The following PCNX1 variants were observed in gnomAD, a reference collection of about 807,000 sequenced individuals.
PCNX1 encodes the protein pecanex 1, also known as pecanex-like protein 1.
PCNX1 carries 78 observed loss-of-function variants against 242.2 expected under a neutral mutation model. The ratio of observed to expected loss-of-function variants is 0.32; its 90% CI spans 0.27 to 0.39. PCNX1 has a LOEUF of 0.39. Among genes scored for constraint, PCNX1 ranks in the 10% least tolerant of loss-of-function variants. The pLI is 1.00. For synonymous variants in PCNX1, 1,024 were observed against 1,032.9 expected, an observed-to-expected ratio of 0.99 and a Z score of 0.17; for missense variants, 2,581 against 2,856.5, an observed-to-expected ratio of 0.90 and a Z score of 2.20.
Position 71,103,668 on chromosome 14 carries a change from A to G in PCNX1, c.6094A>G (p.Arg2032Gly). ...IRNFIVSTWH[R>G]LRKGCGAGCN... is the part of the protein sequence containing the mutation. The stretch of plus-strand genomic sequence containing the variant: ...GAACTTCATAGTGTCAACCTGGCAC[A>G]GGTGAGCCAAGGGATTGTATTATTC... Residue 2032 changes from arginine to glycine, a missense_variant and splice_region_variant, in exon 32 of 36, where the codon AGG becomes GGG. Transcript: ENST00000304743. 6.2e-7 allele frequency: 1 copy of G among 1,613,780 alleles called. No homozygotes were observed. The highest frequency in any genetic ancestry group is 1.3e-5 in the African/African-American group (1 of 75,058).
At chr14:70,910,212 C>A (rs1247325294) in intron 1 of PCNX1, among the ~76,000 whole-genome samples, 1 of 63,258 alleles carries the variant, frequency 1.6e-5, no homozygotes, top group Middle Eastern at 6.6e-3. Flanking sequence ...TCCTCGTCCT[C>A]CTCCTCCTCC....
rs559998491 is a variant in PCNX1, at chr14:71,075,106, C to T, written c.5107-1083C>T. On this transcript the variant is annotated intron_variant, in intron 27 of 35. Transcript: ENST00000304743. ...ACCTCCAGGGCTCAAGCAATACACC[C>T]ACGTTAACCTCCTGAGTAACTGGGA... 2.0e-5 allele frequency among the ~76,000 whole-genome samples: 3 copies of T among 151,072 alleles called. No individual in the cohort carries two copies. The East Asian group carries it at 5.8e-4, about 29-fold the overall frequency.
At position 70,907,666 on chromosome 14, in the gene PCNX1, C is replaced by T. The variant is rs34907416; in HGVS notation, c.-185C>T. 9,118 of 617,450 alleles carry T rather than the reference C, an allele frequency of 0.015. 107 individuals are homozygous for T. The highest frequency in any genetic ancestry group is 0.017 in the Non-Finnish European group (7,810 of 454,812). The allele number at this position is 617,450 out of a possible 1,614,324, so 38.2% of individuals were successfully genotyped here. On this transcript the variant is annotated 5_prime_UTR_variant, in exon 1 of 36. Coordinates refer to ENST00000304743, the MANE Select transcript of PCNX1 (RefSeq NM_014982.3). ...GCCTCCTCCTCTCGGGTCTCCTCCT[C>T]CTCGTTTGCTGCCTCCTCCTCCTCC...
intron 33 of PCNX1, among the ~76,000 whole-genome samples, chr14:71,106,530 A>G (rs2062627014): frequency 1.3e-5 from 2 of 151,974 alleles, no homozygotes; most frequent in Non-Finnish European, 2.9e-5. Flanking sequence ...TATAATGCCA[A>G]AAATCTTTCC....
intron 30 of PCNX1, among the ~76,000 whole-genome samples, chr14:71,089,804 G>T (rs998412792): frequency 6.6e-6 from 1 of 152,108 alleles, no homozygotes; most frequent in Non-Finnish European, 1.5e-5. Context: ...TGTTTCTTAG[G>T]AACCTTTTGA....
At chr14:70,964,328 A>G (rs1178435843) in intron 3 of PCNX1, among the ~76,000 whole-genome samples, 1 of 152,082 alleles carries the variant, frequency 6.6e-6, no homozygotes, top group African/African-American at 2.4e-5. Flanking sequence ...CAGCCTCCCA[A>G]AGTGCTGGGA....
chr14:71,012,908 A>C, intron 10 of PCNX1, 77 bp from the exon 11 acceptor site: 3 of 937,774 alleles, frequency 3.2e-6, no homozygotes, highest in Non-Finnish European at 5.1e-6. Context: ...TGAATTATGA[A>C]GATATTTTAT....
At position 70,971,115 on chromosome 14, in the gene PCNX1, G is replaced by GTTT. The variant is rs1046870052; in HGVS notation, c.604+2043_604+2045dup. 4.1e-4 allele frequency among the ~76,000 whole-genome samples: 6 copies of GTTT among 14,518 alleles called. 3 individuals carry two copies. Among genetic ancestry groups the GTTT allele is most frequent in the Non-Finnish European group, 4.8e-4 (4 of 8,256 alleles). 9.5% of individuals were successfully genotyped at this position (14,518 alleles called of 152,430 possible). A position where few individuals can be genotyped will look rare whatever the true frequency, so the allele number is the denominator to read the frequency against. On this transcript the variant is annotated intron_variant, in intron 5 of 35. Coordinates refer to ENST00000304743, the MANE Select transcript of PCNX1 (RefSeq NM_014982.3). ...AATCTATGCTATACTACTTTATATA[G>GTTT]TTTTTTTTTTTTTTTTTTTTTTTTT... is the stretch of plus-strand genomic sequence containing the variant.
intron 16 of PCNX1, among the ~76,000 whole-genome samples, chr14:71,032,746 A>G (rs1284149557): frequency 6.6e-6 from 1 of 152,234 alleles, no homozygotes; most frequent in African/African-American, 2.4e-5. Flanking sequence ...TACCTGTTCC[A>G]GTTAGTGTAT....
At chr14:71,020,815 T>G (rs2060079901) in intron 12 of PCNX1, among the ~76,000 whole-genome samples, 1 of 152,252 alleles carries the variant, frequency 6.6e-6, no homozygotes, top group African/African-American at 2.4e-5. Context: ...CTTTGGTGTT[T>G]TAGTCATGAA....
At chr14:71,005,102 G>T (rs1689240093) in intron 8 of PCNX1, among the ~76,000 whole-genome samples, 1 of 152,134 alleles carries the variant, frequency 6.6e-6, no homozygotes, top group Admixed American at 6.5e-5. Context: ...GACCTCTTTT[G>T]TTGTTGGTAC....
At chr14:70,948,692 CGT>C (rs2057570172) in intron 2 of PCNX1, among the ~76,000 whole-genome samples, 1 of 144,978 alleles carries the variant, frequency 6.9e-6, no homozygotes, top group African/African-American at 2.6e-5. Context: ...TATATATACA[CGT>C]GTATATATAC....
intron 1 of PCNX1, among the ~76,000 whole-genome samples, chr14:70,932,335 G>C (rs938933834): frequency 6.6e-6 from 1 of 152,130 alleles, no homozygotes; most frequent in African/African-American, 2.4e-5. Context: ...CTAGTACAAG[G>C]AGATGTGAAG....
intron 11 of PCNX1, among the ~76,000 whole-genome samples, chr14:71,017,573 T>G (rs2059992241): frequency 6.6e-6 from 1 of 152,136 alleles, no homozygotes; most frequent in South Asian, 2.1e-4. Context: ...GGAGAAAAGT[T>G]TTATGAACTT....
chr14:71,099,968 A>G (rs1250056848), intron 30 of PCNX1, among the ~76,000 whole-genome samples: 1 of 151,900 alleles, frequency 6.6e-6, no homozygotes, highest in Non-Finnish European at 1.5e-5. Context: ...ATTGCATGTG[A>G]GATGGGTCTC....
intron 2 of PCNX1, among the ~76,000 whole-genome samples, chr14:70,947,544 C>A (rs560023024): frequency 4.6e-5 from 7 of 152,326 alleles, no homozygotes; most frequent in African/African-American, 1.7e-4. Flanking sequence ...GGACATTTAT[C>A]ACTTCCTCAA....
chr14:70,907,862 G>C lies in PCNX1; in HGVS notation c.12G>C (p.Gln4His), dbSNP rs771612445. The C allele has an allele frequency of 4.2e-6, 6 of 1,433,138 alleles. No individual in the cohort carries two copies. Among genetic ancestry groups the C allele is most frequent in the Non-Finnish European group, 5.5e-6 (6 of 1,088,648 alleles). The allele number at this position is 1,433,138 out of a possible 1,614,324, so 88.8% of individuals were successfully genotyped here. The change falls in exon 1 of 36, where the codon CAG becomes CAC. Residue 4 changes from glutamine to histidine, a missense_variant. This residue lies in a region of PCNX1 where 1,204 missense variants were observed against 1,216.7 expected (regional missense o/e 0.99). Coordinates refer to ENST00000304743, the MANE Select transcript of PCNX1 (RefSeq NM_014982.3). MGS[Q>H]TLQILRQGVW... Reference sequence around the variant, plus strand: ...GGCGCCGGGTGGGGATGGGGTCGCAGACGCTGCAGATCCTCCGACAGGGGG... The same window carrying C: ...GGCGCCGGGTGGGGATGGGGTCGCACACGCTGCAGATCCTCCGACAGGGGG...
At chr14:71,058,470 G>C (rs1047447131) in intron 26 of PCNX1, among the ~76,000 whole-genome samples, 3 of 152,222 alleles carry the variant, frequency 2.0e-5, no homozygotes, top group African/African-American at 7.2e-5. Context: ...CAGGATGCTT[G>C]AAGTCCTGTT....
At chr14:70,992,921 G>A (rs1566670642) in intron 7 of PCNX1, among the ~76,000 whole-genome samples, 1 of 152,008 alleles carries the variant, frequency 6.6e-6, no homozygotes, top group East Asian at 1.9e-4. Flanking sequence ...AGAGACATCA[G>A]CATTTATTTG....
Sources: gnomAD v4.1 joint callset for allele counts (sites outside exome capture counted in the v4.1 genomes callset) on GRCh38, gnomAD v4.1.1 for gene constraint, gnomAD v4.1.1 regional missense constraint, MANE v1.5 for transcripts, NCBI Gene and HGNC (gene_info 2026-07-23, HGNC 2026-07-21) for gene names.